The following RYR3 variants were observed in gnomAD, a reference collection of about 807,000 sequenced individuals.
RYR3 encodes the protein brain ryanodine receptor-calcium release channel.
A neutral mutation model predicts 584.3 loss-of-function variants in RYR3; 207 were observed. That is an observed-to-expected ratio of 0.35 (90% CI 0.32 to 0.40). The LOEUF is 0.40. RYR3 is among the 10% of genes least tolerant of loss of function. The pLI is 1.00. For missense variants in RYR3, 5,616 were observed against 6,089.2 expected, an observed-to-expected ratio of 0.92 and a Z score of 2.59; for synonymous variants, 2,416 against 2,248.5, an observed-to-expected ratio of 1.07 and a Z score of -2.11.
At chr15:33,663,416 T>C (rs2063284133) in intron 35 of RYR3, 121 bp from the exon 36 acceptor site, 1 of 792,550 alleles carries the variant, frequency 1.3e-6, no homozygotes, top group Non-Finnish European at 2.0e-6. Flanking sequence ...AGTAACAGCT[T>C]TATGGCTACT....
At chr15:33,522,199 G>C (rs142010942) in intron 3 of RYR3, among the ~76,000 whole-genome samples, 1 of 151,748 alleles carries the variant, frequency 6.6e-6, no homozygotes, top group Non-Finnish European at 1.5e-5. Flanking sequence ...GGGGGCAGAG[G>C]CTGCAGTGAG....
At chr15:33,677,535 G>T (rs924528936) in intron 38 of RYR3, among the ~76,000 whole-genome samples, 1 of 152,156 alleles carries the variant, frequency 6.6e-6, no homozygotes, top group African/African-American at 2.4e-5. Flanking sequence ...CTGGTTGACA[G>T]ATTTCAAAAA....
chr15:33,578,464 G>A (rs1567580682), intron 12 of RYR3, among the ~76,000 whole-genome samples: 2 of 152,146 alleles, frequency 1.3e-5, no homozygotes, highest in South Asian at 4.1e-4. Context: ...GCAGGGACAT[G>A]GATGGAGCTG....
intron 1 of RYR3, among the ~76,000 whole-genome samples, chr15:33,442,994 C>T (rs767398021): frequency 1.3e-5 from 2 of 152,192 alleles, no homozygotes; most frequent in African/African-American, 2.4e-5. Context: ...TGCAGTGGCT[C>T]ACACCTGTAA....
intron 92 of RYR3, among the ~76,000 whole-genome samples, chr15:33,844,242 T>C (rs1055221172): frequency 2.1e-4 from 32 of 152,094 alleles, no homozygotes; most frequent in Non-Finnish European, 2.2e-4. Flanking sequence ...CTGTTGCCCA[T>C]AAAAGAAAAA....
chr15:33,863,630 G>A (rs746568682), intron 102 of RYR3, among the ~76,000 whole-genome samples: 1 of 152,146 alleles, frequency 6.6e-6, no homozygotes, highest in Non-Finnish European at 1.5e-5. Flanking sequence ...AAACTACACT[G>A]GCATTCCCGC....
At chr15:33,764,732 C>T (rs926943099) in intron 60 of RYR3, among the ~76,000 whole-genome samples, 2 of 152,072 alleles carry the variant, frequency 1.3e-5, no homozygotes, top group African/African-American at 4.8e-5. Flanking sequence ...AAGATTAAAA[C>T]TTATAAAAAG....
At chr15:33,561,085 T>C (rs1378102497) in intron 10 of RYR3, among the ~76,000 whole-genome samples, 2 of 152,216 alleles carry the variant, frequency 1.3e-5, no homozygotes, top group African/African-American at 4.8e-5. Flanking sequence ...GAAAAATAAA[T>C]GTGAAAGAAA....
At chr15:33,423,166 G>A (rs1296908037) in intron 1 of RYR3, among the ~76,000 whole-genome samples, 1 of 152,000 alleles carries the variant, frequency 6.6e-6, no homozygotes, top group East Asian at 1.9e-4. Context: ...CTCCATCCCT[G>A]CCTCCAGCCC....
intron 4 of RYR3, among the ~76,000 whole-genome samples, chr15:33,531,457 G>A (rs12440629): frequency 0.26 from 38,631 of 151,304 alleles, 5,871 homozygotes; most frequent in Middle Eastern, 0.49. Flanking sequence ...ACTTTCTTTC[G>A]GTGTAAGAAA....
Position 33,728,971 on chromosome 15 carries a change from A to C in RYR3, c.7148A>C (p.His2383Pro). Reference protein sequence around the residue: ...YGIKDQTFLLHLLEVGFLPDL... With the variant: ...YGIKDQTFLLPLLEVGFLPDL... ...ATTAAGGATCAAACTTTTCTGCTCCACTTGCTGGAGGTTGGATTTTTACCT... is the reference window on the plus strand; with the variant it reads ...ATTAAGGATCAAACTTTTCTGCTCCCCTTGCTGGAGGTTGGATTTTTACCT... The change falls in exon 47 of 104, where the codon CAC (histidine) becomes CCC (proline). Residue 2383 changes from histidine (H) to proline (P), a missense_variant. Physicochemically the swap from His to Pro is moderately conservative, Grantham distance 77. This residue lies in a region of RYR3 where 1,280 missense variants were observed against 1,426.2 expected (regional missense o/e 0.90). Transcript: ENST00000634891. The C allele has an allele frequency of 6.2e-7, 1 of 1,614,014 alleles. No individual in the cohort carries two copies. The highest frequency in any genetic ancestry group is 8.5e-7 in the Non-Finnish European group (1 of 1,179,878).
rs369107461 is a variant in RYR3, at chr15:33,810,469, C to G, written c.10027-10C>G. The G allele has an allele frequency of 6.2e-7, 1 of 1,613,752 alleles. No individual in the cohort carries two copies. Among genetic ancestry groups the G allele is most frequent in the South Asian group, 1.1e-5 (1 of 91,020 alleles). On this transcript the variant is annotated splice_polypyrimidine_tract_variant and intron_variant, in intron 70 of 103. Transcript: ENST00000634891. The stretch of plus-strand genomic sequence containing the variant: ...AACCCCTCTCTGTTTATTTCAACAT[C>G]ATCTCCTAGTCTGGAGGACAAGACC...
intron 1 of RYR3, among the ~76,000 whole-genome samples, chr15:33,423,415 C>G (rs890542141): frequency 6.6e-6 from 1 of 152,146 alleles, no homozygotes. Flanking sequence ...TTGACAGACA[C>G]TTTGATTGTT....
chr15:33,860,616 G>C lies in RYR3; in HGVS notation c.14321G>C (p.Gly4774Ala). 3.1e-6 allele frequency: 5 copies of C among 1,591,932 alleles called. No homozygotes were observed. Among genetic ancestry groups the C allele is most frequent in the Non-Finnish European group, 4.3e-6 (5 of 1,167,884 alleles). ...CCAGGTCTTATTATTGATGCTTTCG[G>C]AGAGCTAAGAGACCAGCAGGAACAA... ...IIQGLIIDAF[G>A]ELRDQQEQVR... Residue 4774 changes from glycine (G) to alanine (A), a missense_variant, in exon 101 of 104, where the codon GGA (glycine) becomes GCA (alanine). Physicochemically the swap from Gly to Ala is moderately conservative, Grantham distance 60. Coordinates refer to ENST00000634891, the MANE Select transcript of RYR3 (RefSeq NM_001036.6).
chr15:33,597,886 AT>A (rs950222535), intron 16 of RYR3, among the ~76,000 whole-genome samples: 1 of 151,092 alleles, frequency 6.6e-6, no homozygotes, highest in African/African-American at 2.4e-5. Context: ...CATTTTATAG[AT>A]TTATAAAGAC....
At chr15:33,415,498 CT>C (rs200116676) in intron 1 of RYR3, among the ~76,000 whole-genome samples, 6 of 150,862 alleles carry the variant, frequency 4.0e-5, no homozygotes, top group South Asian at 2.1e-4. Context: ...AAGAGATACT[CT>C]TTTTTAAAAA....
intron 52 of RYR3, 78 bp downstream of exon 52, chr15:33,742,522 TC>T (rs1653101717): frequency 1.3e-5 from 12 of 933,086 alleles, no homozygotes; most frequent in Non-Finnish European, 1.7e-6. Context: ...GTCCTGGAAA[TC>T]TGCCTGATTT....
chr15:33,824,047 T>G (rs1390232245), intron 81 of RYR3, among the ~76,000 whole-genome samples: 2 of 152,180 alleles, frequency 1.3e-5, no homozygotes, highest in Non-Finnish European at 2.9e-5. Context: ...TATTCATTTA[T>G]TATCTCTCTC....
chr15:33,367,233 A>C (rs1355942392), intron 1 of RYR3, among the ~76,000 whole-genome samples: 3 of 152,204 alleles, frequency 2.0e-5, no homozygotes, highest in Non-Finnish European at 4.4e-5. Flanking sequence ...TTTCTGAAAA[A>C]AAGTTCAGAA....
Sources: allele counts gnomAD v4.1 joint callset (sites outside exome capture counted in the v4.1 genomes callset), GRCh38; gene constraint gnomAD v4.1.1; regional missense constraint gnomAD v4.1.1; transcripts MANE v1.5; gene names NCBI Gene and HGNC (gene_info 2026-07-23, HGNC 2026-07-21).